CDKAL1: variants seen among roughly 807,000 people sequenced by gnomAD.
CDKAL1 encodes the protein threonylcarbamoyladenosine tRNA methylthiotransferase.
CDKAL1 carries 32 observed loss-of-function variants against 68.2 expected under a neutral mutation model. The ratio of observed to expected loss-of-function variants is 0.47; its 90% CI spans 0.35 to 0.63. The LOEUF (loss-of-function observed/expected upper bound fraction) is 0.63. Among genes scored for constraint, CDKAL1 ranks in the 30% least tolerant of loss-of-function variants. CDKAL1 has a pLI of 0.00. For synonymous variants in CDKAL1, 234 were observed against 244.3 expected, an observed-to-expected ratio of 0.96 and a Z score of 0.39; for missense variants, 606 against 696.7, an observed-to-expected ratio of 0.87 and a Z score of 1.47.
At chr6:20,928,322 T>A (rs1763273716) in intron 9 of CDKAL1, among the ~76,000 whole-genome samples, 1 of 152,210 alleles carries the variant, frequency 6.6e-6, no homozygotes, top group Admixed American at 6.5e-5. Context: ...TTTCTAGTGG[T>A]AAAAATTGTA....
rs137879018 is a variant in CDKAL1 at position 21,151,187 on chromosome 6, C to G, written c.1299+42724C>G. On this transcript the variant is annotated intron_variant, in intron 13 of 15. Coordinates refer to ENST00000274695, the MANE Select transcript of CDKAL1 (RefSeq NM_017774.3). ...TGGGGGAGAAATGTGACATTTAGAA[C>G]AAATGTCATAGCATTTCTTCAATAA... Among the ~76,000 whole-genome samples the G allele has an allele frequency of 1.2e-4, 18 of 152,260 alleles. No individual in the cohort carries two copies. The East Asian group carries it at 3.5e-3, about 29-fold the overall frequency.
chr6:20,950,961 C>A (rs1381552857), intron 9 of CDKAL1, among the ~76,000 whole-genome samples: 3 of 126,054 alleles, frequency 2.4e-5, no homozygotes, highest in Admixed American at 8.3e-5. Context: ...CAGAGTGAAA[C>A]AGTCTCAGAA....
intron 5 of CDKAL1, among the ~76,000 whole-genome samples, chr6:20,652,881 C>T (rs542665067): frequency 6.6e-6 from 1 of 152,220 alleles, no homozygotes; most frequent in Non-Finnish European, 1.5e-5. Flanking sequence ...AAGAAGTAAC[C>T]TTTATCTTGA....
chr6:20,652,593 G>A (rs1768824059), intron 5 of CDKAL1, among the ~76,000 whole-genome samples: 2 of 152,014 alleles, frequency 1.3e-5, no homozygotes, highest in African/African-American at 4.8e-5. Flanking sequence ...ACATACCTGG[G>A]TCTAATCGGC....
At chr6:20,599,086 A>G (rs1765969050) in intron 4 of CDKAL1, among the ~76,000 whole-genome samples, 1 of 152,076 alleles carries the variant, frequency 6.6e-6, no homozygotes, top group African/African-American at 2.4e-5. Flanking sequence ...ATATAAAGGC[A>G]AAAGTTTTTT....
chr6:20,572,046 T>C (rs1302195459), intron 4 of CDKAL1, among the ~76,000 whole-genome samples: 1 of 151,950 alleles, frequency 6.6e-6, no homozygotes, highest in Non-Finnish European at 1.5e-5. Context: ...TGAAGAAAAA[T>C]CCCTTATTTG....
intron 13 of CDKAL1, among the ~76,000 whole-genome samples, chr6:21,195,456 C>T (rs1007862382): frequency 2.0e-5 from 3 of 151,692 alleles, no homozygotes; most frequent in African/African-American, 7.3e-5. Context: ...AGCCATCGTG[C>T]CTGGCCTCTG....
intron 13 of CDKAL1, among the ~76,000 whole-genome samples, chr6:21,176,718 G>A (rs1261898546): frequency 3.0e-5 from 4 of 132,632 alleles, no homozygotes; most frequent in South Asian, 2.3e-4. Flanking sequence ...TTTTTGAGAC[G>A]GAGTCTGACT....
intron 12 of CDKAL1, among the ~76,000 whole-genome samples, chr6:21,098,043 T>C (rs1211769675): frequency 2.6e-5 from 4 of 152,174 alleles, no homozygotes; most frequent in Non-Finnish European, 5.9e-5. Flanking sequence ...GAAAGCTCTA[T>C]TGAGTTCAGT....
chr6:20,988,180 A>ATGTGTG (rs1491171083), intron 10 of CDKAL1, among the ~76,000 whole-genome samples: 64 of 34,350 alleles, frequency 1.9e-3, no homozygotes, highest in Middle Eastern at 0.017. Flanking sequence ...AAGAAACATA[A>ATGTGTG]TATGTGTGTG....
chr6:20,887,302 T>A (rs1273020496), intron 9 of CDKAL1, among the ~76,000 whole-genome samples: 1 of 152,196 alleles, frequency 6.6e-6, no homozygotes, highest in African/African-American at 2.4e-5. Context: ...TATCCTGTAA[T>A]CCAGCAATTC....
At chr6:21,164,125 A>G (rs1777042347) in intron 13 of CDKAL1, among the ~76,000 whole-genome samples, 1 of 151,964 alleles carries the variant, frequency 6.6e-6, no homozygotes, top group Non-Finnish European at 1.5e-5. Context: ...ACTGCAGAAG[A>G]GATAAGAAAA....
At chr6:21,124,643 T>C (rs1774900457) in intron 13 of CDKAL1, among the ~76,000 whole-genome samples, 2 of 151,240 alleles carry the variant, frequency 1.3e-5, no homozygotes, top group Admixed American at 1.3e-4. Context: ...CCTCGTTCTC[T>C]TTGTGGCAAT....
chr6:20,568,299 G>A (rs1410508111), intron 4 of CDKAL1, among the ~76,000 whole-genome samples: 2 of 152,188 alleles, frequency 1.3e-5, no homozygotes, highest in Non-Finnish European at 2.9e-5. Context: ...GATTCCAGGC[G>A]TAAGCCACTG....
At chr6:21,081,584 T>C (rs987408586) in intron 12 of CDKAL1, among the ~76,000 whole-genome samples, 1 of 150,674 alleles carries the variant, frequency 6.6e-6, no homozygotes, top group African/African-American at 2.4e-5. Flanking sequence ...TTTTTTTTTT[T>C]TTTTTGAGAT....
At chr6:20,649,520 G>T in intron 5 of CDKAL1, 143 bp downstream of exon 5, 1 of 534,070 alleles carries the variant, frequency 1.9e-6, no homozygotes, top group Non-Finnish European at 3.3e-6. Flanking sequence ...ATACTATTTT[G>T]AATTTGTCTG....
intron 5 of CDKAL1, among the ~76,000 whole-genome samples, chr6:20,707,761 G>A (rs1021544794): frequency 2.0e-4 from 30 of 152,160 alleles, no homozygotes; most frequent in African/African-American, 7.0e-4. Flanking sequence ...CTGGTATAGT[G>A]CCTCATATAA....
chr6:20,863,174 G>A (rs1435090467), intron 9 of CDKAL1, among the ~76,000 whole-genome samples: 1 of 152,174 alleles, frequency 6.6e-6, no homozygotes, highest in Non-Finnish European at 1.5e-5. Context: ...CCCAGGTAAT[G>A]CTGATACTGC....
chr6:20,624,452 G>A (rs1311518880), intron 4 of CDKAL1, among the ~76,000 whole-genome samples: 3 of 151,854 alleles, frequency 2.0e-5, no homozygotes, highest in Non-Finnish European at 4.4e-5. Context: ...CTTGAGGGCA[G>A]GCCAGGCAGA....
Sources: allele counts gnomAD v4.1 joint callset (sites outside exome capture counted in the v4.1 genomes callset), GRCh38; gene constraint gnomAD v4.1.1; transcripts MANE v1.5; gene names NCBI Gene and HGNC (gene_info 2026-07-23, HGNC 2026-07-21).